SLC35B4: variants seen among roughly 807,000 people sequenced by gnomAD.
SLC35B4 encodes the protein solute carrier family 35 member B4, also known as nucleotide sugar transporter SLC35B4.
A neutral mutation model predicts 39.5 loss-of-function variants in SLC35B4; 28 were observed. The observed-to-expected ratio is 0.71, with a 90% confidence interval of 0.53 to 0.97. The LOEUF (loss-of-function observed/expected upper bound fraction) is 0.97. Among genes scored for constraint, SLC35B4 ranks in the 50% least tolerant of loss-of-function variants. The pLI, the probability that SLC35B4 is intolerant of heterozygous loss-of-function variation, is 0.00. For synonymous variants in SLC35B4, 145 were observed against 150.4 expected (o/e 0.96, Z 0.26); for missense variants, 334 against 414.3 (o/e 0.81, Z 1.68).
chr7:134,312,186 CAGTTGACTA>C (rs996979370), intron 1 of SLC35B4, among the ~76,000 whole-genome samples: 8 of 152,194 alleles, frequency 5.3e-5, no homozygotes, highest in African/African-American at 1.9e-4. Flanking sequence ...AAAGACATTC[CAGTTGACTA>C]AGTTTTCTCA....
Position 134,302,104 on chromosome 7 carries a change from AC to A in SLC35B4, c.350del (p.Ser117IlefsTer26). 1 of 1,609,186 alleles carries A rather than the reference AC, an allele frequency of 6.2e-7. No homozygotes were observed. Among genetic ancestry groups the A allele is most frequent in the Non-Finnish European group, 8.5e-7 (1 of 1,178,890 alleles). On this transcript the variant is annotated frameshift_variant, in exon 5 of 10. Coordinates refer to ENST00000378509, the MANE Select transcript of SLC35B4 (RefSeq NM_032826.5). LOFTEE classifies it high-confidence loss of function. Reference protein sequence around the residue: ...LGIIILKKRYSIFKYTSIALV... With the variant: ...LGIIILKKRYXIFKYTSIALV... ...GGGCAATGGAGGTATATTTGAATAT[AC>A]TGTATCTGCAAAAAAGAAAAAAAAG...
At position 134,294,399 on chromosome 7, in the gene SLC35B4, G is replaced by C. The variant is rs547579461; in HGVS notation, c.*434C>G. On this transcript the variant is annotated 3_prime_UTR_variant, in exon 10 of 10. Coordinates refer to ENST00000378509, the MANE Select transcript of SLC35B4 (RefSeq NM_032826.5). ...TGACTGACTGTGAGGTGCTGCTGAAGAAGGAAAAGGTGATGGGAGACAAAA... is the reference window on the plus strand; with the variant it reads ...TGACTGACTGTGAGGTGCTGCTGAACAAGGAAAAGGTGATGGGAGACAAAA... 17 of 164,604 alleles carry C rather than the reference G, an allele frequency of 1.0e-4. No homozygotes were observed. Among genetic ancestry groups the C allele is most frequent in the Middle Eastern group, 6.4e-3 (2 of 314 alleles). The allele number at this position is 164,604 out of a possible 1,614,324, so 10.2% of individuals were successfully genotyped here.
chr7:134,296,676 A>G lies in SLC35B4; in HGVS notation c.674-210T>C, dbSNP rs562806360. Among the ~76,000 whole-genome samples, 3 of 152,354 alleles carry G rather than the reference A, an allele frequency of 2.0e-5. No individual in the cohort carries two copies. In the East Asian group the frequency reaches 5.8e-4, roughly 29 times the overall value. On this transcript the variant is annotated intron_variant, in intron 8 of 9. Coordinates refer to ENST00000378509, the MANE Select transcript of SLC35B4 (RefSeq NM_032826.5). ...AAATTGGTTTCTTAAAACAAATAATAGTTTTAATTTTTAAGGAAGTGTTTT... is the reference window on the plus strand; with the variant it reads ...AAATTGGTTTCTTAAAACAAATAATGGTTTTAATTTTTAAGGAAGTGTTTT...
At chr7:134,314,245 A>C (rs1400373517) in intron 1 of SLC35B4, among the ~76,000 whole-genome samples, 1 of 152,198 alleles carries the variant, frequency 6.6e-6, no homozygotes, top group Non-Finnish European at 1.5e-5. Flanking sequence ...GAAGCCCTAC[A>C]AGTGTGCTTT....
At chr7:134,311,732 G>A (rs532056743) in intron 1 of SLC35B4, among the ~76,000 whole-genome samples, 2 of 152,274 alleles carry the variant, frequency 1.3e-5, no homozygotes, top group African/African-American at 4.8e-5. Context: ...GATTAGTCTG[G>A]GGTAGGACCC....
chr7:134,318,411 A>G (rs11767142), upstream of SLC35B4, among the ~76,000 whole-genome samples: 16,976 of 152,090 alleles, frequency 0.11, 2,490 homozygotes, highest in African/African-American at 0.33. Flanking sequence ...TAAACAATGA[A>G]TTATATATAC....
intron 8 of SLC35B4, among the ~76,000 whole-genome samples, chr7:134,296,731 CAAAG>C (rs770359915): frequency 1.3e-5 from 2 of 151,974 alleles, no homozygotes; most frequent in Non-Finnish European, 2.9e-5. Context: ...CCTCACTTTA[CAAAG>C]AAAGACTGTG....
chr7:134,301,950 A>C lies in SLC35B4; in HGVS notation c.426+79T>G, dbSNP rs971652982. ...TTTCAAAATCTTTGTATTACATAAA[A>C]ATTTGAATTGTATTAATTGCCTGGT... On this transcript the variant is annotated intron_variant, in intron 5 of 9. Transcript: ENST00000378509. 9.8e-6 allele frequency: 15 copies of C among 1,532,184 alleles called. No individual in the cohort carries two copies. The African/African-American group carries it at 1.7e-4, about 17-fold the overall frequency. The allele number at this position is 1,532,184 out of a possible 1,614,324, so 94.9% of individuals were successfully genotyped here. A position where few individuals can be genotyped will look rare whatever the true frequency, so the allele number is the denominator to read the frequency against.
rs562133024 is a variant in SLC35B4 at position 134,306,604 on chromosome 7, T to C, written c.294+68A>G. 1.1e-5 allele frequency: 14 copies of C among 1,308,012 alleles called. No homozygotes were observed. In the East Asian group the frequency reaches 2.6e-4, roughly 24 times the overall value. The allele number at this position is 1,308,012 out of a possible 1,614,324, so 81.0% of individuals were successfully genotyped here. On this transcript the variant is annotated intron_variant, in intron 3 of 9. Coordinates refer to ENST00000378509, the MANE Select transcript of SLC35B4 (RefSeq NM_032826.5). ...CTACAAGAACCTTCTAGTTCTGCCA[T>C]ATATTCAATCGATCTACTTAACTAT...
intron 1 of SLC35B4, among the ~76,000 whole-genome samples, chr7:134,315,837 G>A (rs989449977): frequency 2.6e-4 from 40 of 152,280 alleles, no homozygotes; most frequent in African/African-American, 9.1e-4. Flanking sequence ...GGACGACGGA[G>A]CCAAGAGTGA....
Position 134,300,241 on chromosome 7 carries a change from C to G in SLC35B4, c.508G>C (p.Ala170Pro). 1.2e-6 allele frequency: 2 copies of G among 1,611,180 alleles called. No homozygotes were observed. The highest frequency in any genetic ancestry group is 1.7e-6 in the Non-Finnish European group (2 of 1,179,230). ...WLLGIGALTF[A>P]LLMSARMGIF... ...CCCATCCTTGCTGACATCAGAAGAG[C>G]AAAAGTCAATGCCCCAATACCTAAA... The change falls in exon 7 of 10, where the codon GCT becomes CCT. Residue 170 changes from alanine to proline, a missense_variant. Transcript: ENST00000378509.
In SLC35B4 at chr7:134,294,670, G is replaced by C; in HGVS notation, c.*163C>G. On this transcript the variant is annotated 3_prime_UTR_variant, in exon 10 of 10. Transcript: ENST00000378509. Reference sequence around the variant, plus strand: ...TGAGGGGTTTCTATTTAGTCTACATGTGTCAGTCTGAGCAACGTGAGAAGT... The same window carrying C: ...TGAGGGGTTTCTATTTAGTCTACATCTGTCAGTCTGAGCAACGTGAGAAGT... The C allele has an allele frequency of 2.6e-6, 2 of 767,400 alleles. No homozygotes were observed. Among genetic ancestry groups the C allele is most frequent in the Admixed American group, 5.8e-5 (2 of 34,604 alleles). The allele number at this position is 767,400 out of a possible 1,614,324, so 47.5% of individuals were successfully genotyped here.
chr7:134,301,413 C>T (rs1156457054), intron 6 of SLC35B4, among the ~76,000 whole-genome samples: 1 of 152,178 alleles, frequency 6.6e-6, no homozygotes, highest in Admixed American at 6.5e-5. Context: ...GTCAATTGCT[C>T]TAACGTGCCC....
rs1803369029 is a variant in SLC35B4 at position 134,293,128 on chromosome 7, CCACACACACACACATACATACA to C, written c.*1683_*1704del. On this transcript the variant is annotated 3_prime_UTR_variant, in exon 10 of 10. Transcript: ENST00000378509. ...TCAGTTTAAGAACACAATGTGTGCA[CCACACACACACACATACATACA>C]CACACACACACACAGTCTTTGTCTA... 1 of 131,098 alleles carries C rather than the reference CCACACACACACACATACATACA, an allele frequency of 7.6e-6. No individual in the cohort carries two copies. The highest frequency in any genetic ancestry group is 1.6e-5 in the Non-Finnish European group (1 of 61,860). The allele number at this position is 131,098 out of a possible 1,614,324, so 8.1% of individuals were successfully genotyped here.
chr7:134,312,232 T>C (rs1803862633), intron 1 of SLC35B4, among the ~76,000 whole-genome samples: 1 of 152,148 alleles, frequency 6.6e-6, no homozygotes, highest in African/African-American at 2.4e-5. Context: ...GATTTCACTG[T>C]CGTAGTGAGT....
At chr7:134,299,462 TA>T in intron 8 of SLC35B4, 60 bp downstream of exon 8, 1 of 1,381,330 alleles carries the variant, frequency 7.2e-7, no homozygotes, top group Non-Finnish European at 1.0e-6. Context: ...AAGTCAAGAG[TA>T]AAACTGAGAC....
chr7:134,300,174 G>A lies in SLC35B4; in HGVS notation c.575C>T (p.Ser192Phe), dbSNP rs764835413. The A allele has an allele frequency of 6.2e-7, 1 of 1,611,844 alleles. No homozygotes were observed. Among genetic ancestry groups the A allele is most frequent in the Middle Eastern group, 1.7e-4 (1 of 6,060 alleles). The change falls in exon 7 of 10, where the codon TCC becomes TTC. Residue 192 changes from serine to phenylalanine, a missense_variant. Coordinates refer to ENST00000378509, the MANE Select transcript of SLC35B4 (RefSeq NM_032826.5). ...TACATTATAAAACAAAGCCTCCTTG[G>A]AGTGTTTCCCAAATCGTTTGTAGAG... ...ETLYKRFGKH[S>F]KEALFYNHAL...
At chr7:134,311,035 A>G (rs2544223) in intron 1 of SLC35B4, among the ~76,000 whole-genome samples, 77,707 of 152,152 alleles carry the variant, frequency 0.51, 20,513 homozygotes, top group African/African-American at 0.62. Context: ...ATAAGACAAT[A>G]CAGGCATGAG....
intron 4 of SLC35B4, among the ~76,000 whole-genome samples, chr7:134,303,016 G>C (rs148035419): frequency 0.02 from 3,039 of 152,154 alleles, 37 homozygotes; most frequent in Non-Finnish European, 0.032. Flanking sequence ...TACAACTGAG[G>C]CCAAAAATAA....
Sources: gnomAD v4.1 joint callset for allele counts (sites outside exome capture counted in the v4.1 genomes callset) on GRCh38, gnomAD v4.1.1 for gene constraint, MANE v1.5 for transcripts, NCBI Gene and HGNC (gene_info 2026-07-23, HGNC 2026-07-21) for gene names.